Variants in RANBP2 observed in about 807,000 individuals in gnomAD.
RANBP2 encodes E3 SUMO-protein ligase RanBP2.
In RANBP2, 57 loss-of-function variants were observed where a neutral mutation model predicts 303.6. The ratio of observed to expected loss-of-function variants is 0.19; its 90% CI spans 0.15 to 0.23. The LOEUF (loss-of-function observed/expected upper bound fraction) is 0.23. Ranked by LOEUF, RANBP2 falls within the 10% of genes least tolerant of loss-of-function variation. RANBP2 has a pLI of 1.00. For missense variants in RANBP2, 3,138 were observed against 3,780.8 expected, an observed-to-expected ratio of 0.83 and a Z score of 4.46; for synonymous variants, 1,167 against 1,301.5, an observed-to-expected ratio of 0.90 and a Z score of 2.23.
chr2:109,237,090 A>C, the RANBP2 span, among the ~76,000 whole-genome samples: 1 of 152,242 alleles, frequency 6.6e-6, no homozygotes, highest in Non-Finnish European at 1.5e-5. Flanking sequence ...AGAAATAAAC[A>C]AGAATGTCAG....
At chr2:109,154,031 G>C in the RANBP2 span, among the ~76,000 whole-genome samples, 1 of 152,196 alleles carries the variant, frequency 6.6e-6, no homozygotes, top group East Asian at 1.9e-4. Context: ...TGGTGGACAT[G>C]GAACTGCAGA....
the RANBP2 span, chr2:108,906,331 G>A: frequency 6.2e-7 from 1 of 1,614,056 alleles, no homozygotes; most frequent in South Asian, 1.1e-5. Flanking sequence ...ACACACGTTG[G>A]CATACACATC....
the RANBP2 span, among the ~76,000 whole-genome samples, chr2:109,210,068 G>GTGTCT: frequency 1.3e-5 from 2 of 152,156 alleles, no homozygotes; most frequent in Non-Finnish European, 2.9e-5. Flanking sequence ...TTGTCCTTTT[G>GTGTCT]TGTCTGGCTT....
chr2:109,692,170 A>G, the RANBP2 span, among the ~76,000 whole-genome samples: 1 of 152,086 alleles, frequency 6.6e-6, no homozygotes, highest in Admixed American at 6.6e-5. Flanking sequence ...GAGTGGATAA[A>G]ATGTGGCAGC....
Position 108,729,007 on chromosome 2 carries a change from A to G in RANBP2, c.73-125A>G, listed in dbSNP as rs1408887842. On this transcript the variant is annotated intron_variant, in intron 1 of 28. Transcript: ENST00000283195. The stretch of plus-strand genomic sequence containing the variant: ...AATTATGCATTTGTCAGCCTTTAAA[A>G]AAACTTTTAAGTGAATGAAAGTGGC... The G allele has an allele frequency of 4.9e-6, 6 of 1,221,010 alleles. No individual in the cohort carries two copies. The East Asian group carries it at 1.6e-4, about 32-fold the overall frequency. The allele number at this position is 1,221,010 out of a possible 1,614,324, so 75.6% of individuals were successfully genotyped here.
chr2:108,800,896 C>G, the RANBP2 span, among the ~76,000 whole-genome samples: 23 of 117,760 alleles, frequency 2.0e-4, no homozygotes, highest in South Asian at 1.6e-3. Context: ...TTTGTTCTTG[C>G]GATAGTTTAC....
chr2:108,913,459 A>G, the RANBP2 span, among the ~76,000 whole-genome samples: 1 of 152,146 alleles, frequency 6.6e-6, no homozygotes, highest in Non-Finnish European at 1.5e-5. Flanking sequence ...AATTACATAG[A>G]GTAGGAATGT....
At chr2:109,207,492 A>G in the RANBP2 span, among the ~76,000 whole-genome samples, 1,347 of 152,314 alleles carry the variant, frequency 8.8e-3, 19 homozygotes, top group African/African-American at 0.031. Flanking sequence ...CAGCAGAACC[A>G]TCTGCCTTTG....
the RANBP2 span, among the ~76,000 whole-genome samples, chr2:109,514,831 C>G: frequency 6.6e-6 from 1 of 152,190 alleles, no homozygotes; most frequent in Admixed American, 6.5e-5. Context: ...CCCCCAGGCC[C>G]TGGGCACGGC....
chr2:109,174,870 T>A, the RANBP2 span, among the ~76,000 whole-genome samples: 2 of 152,238 alleles, frequency 1.3e-5, no homozygotes, highest in Non-Finnish European at 2.9e-5. Context: ...TTTCTGCCCC[T>A]CTGTCAACAT....
chr2:109,522,112 A>G, the RANBP2 span, among the ~76,000 whole-genome samples: 8 of 152,096 alleles, frequency 5.3e-5, no homozygotes, highest in Admixed American at 3.9e-4. Flanking sequence ...GAATGAACAT[A>G]TGCAAATTGA....
intron 1 of RANBP2, among the ~76,000 whole-genome samples, chr2:108,725,246 A>C (rs1214291278): frequency 1.3e-5 from 2 of 152,178 alleles, no homozygotes; most frequent in African/African-American, 2.4e-5. Context: ...GCTCCTTCCT[A>C]GCTGTGTATC....
the RANBP2 span, among the ~76,000 whole-genome samples, chr2:109,133,231 C>G: frequency 6.6e-6 from 1 of 152,162 alleles, no homozygotes; most frequent in South Asian, 2.1e-4. Context: ...TAGGCAGTGC[C>G]TTTGATGATA....
chr2:109,555,797 C>T, the RANBP2 span, among the ~76,000 whole-genome samples: 1 of 152,196 alleles, frequency 6.6e-6, no homozygotes, highest in Non-Finnish European at 1.5e-5. Context: ...TGCCTTTGCT[C>T]ACTAGAAGCA....
chr2:108,786,573 CG>C (rs1678756692), downstream of RANBP2, among the ~76,000 whole-genome samples: 1 of 151,988 alleles, frequency 6.6e-6, no homozygotes, highest in South Asian at 2.1e-4. Context: ...CCCAGGCAGC[CG>C]GGGCAGGACT....
At chr2:109,129,943 C>T in the RANBP2 span, 1 of 1,472,744 alleles carries the variant, frequency 6.8e-7, no homozygotes, top group South Asian at 1.3e-5. Context: ...CGGCGGCAGC[C>T]CGCCCGCGCG....
chr2:109,006,073 C>G, the RANBP2 span, among the ~76,000 whole-genome samples: 1 of 152,216 alleles, frequency 6.6e-6, no homozygotes, highest in Non-Finnish European at 1.5e-5. Context: ...CACCGGCAGT[C>G]ACGTGGCTGC....
At chr2:109,116,732 C>A in the RANBP2 span, among the ~76,000 whole-genome samples, 2 of 152,212 alleles carry the variant, frequency 1.3e-5, no homozygotes, top group African/African-American at 4.8e-5. Context: ...TCCAGTTTTT[C>A]TGCTCTGTTT....
chr2:109,613,919 A>T, the RANBP2 span: 1 of 1,213,106 alleles, frequency 8.2e-7, no homozygotes, highest in Non-Finnish European at 1.0e-6. Flanking sequence ...GGAGGGCAGA[A>T]GCAACGGGCG....
Sources: gnomAD v4.1 joint callset for allele counts (sites outside exome capture counted in the v4.1 genomes callset) on GRCh38, gnomAD v4.1.1 for gene constraint, MANE v1.5 for transcripts, NCBI Gene and HGNC (gene_info 2026-07-23, HGNC 2026-07-21) for gene names.